COL23A1: variants seen among roughly 807,000 people sequenced by gnomAD.
The protein encoded by COL23A1 is collagen type XXIII alpha 1 chain.
In COL23A1, 97 loss-of-function variants were observed where a neutral mutation model predicts 99.3. That is an observed-to-expected ratio of 0.98 (90% confidence interval 0.83 to 1.16). The LOEUF is 1.16. COL23A1 is among the 50% of genes most tolerant of loss of function. The pLI is 0.00. For synonymous variants in COL23A1, 320 were observed against 308.2 expected (o/e 1.04, Z -0.40); for missense variants, 762 against 757.4 (o/e 1.01, Z -0.07).
At chr5:178,346,609 A>G (rs751178557) in intron 2 of COL23A1, among the ~76,000 whole-genome samples, 1 of 152,186 alleles carries the variant, frequency 6.6e-6, no homozygotes, top group Non-Finnish European at 1.5e-5. Flanking sequence ...GTTTCTATGT[A>G]TGCCCCTTCA....
chr5:178,464,877 G>A (rs1756330090), intron 2 of COL23A1, among the ~76,000 whole-genome samples: 1 of 152,190 alleles, frequency 6.6e-6, no homozygotes, highest in Non-Finnish European at 1.5e-5. Context: ...TAACTCAGTT[G>A]CCCAAGGTCA....
intron 2 of COL23A1, among the ~76,000 whole-genome samples, chr5:178,353,401 T>A (rs1463899564): frequency 6.6e-6 from 1 of 152,186 alleles, no homozygotes; most frequent in Non-Finnish European, 1.5e-5. Flanking sequence ...CCCCCCAAAG[T>A]AGTTAAAAGT....
At chr5:178,385,124 G>T (rs545469994) in intron 2 of COL23A1, among the ~76,000 whole-genome samples, 201 of 152,298 alleles carry the variant, frequency 1.3e-3, no homozygotes, top group Non-Finnish European at 2.3e-3. Flanking sequence ...ATCACCCACA[G>T]CTATAGGAGT....
intron 2 of COL23A1, among the ~76,000 whole-genome samples, chr5:178,557,975 C>T (rs1322282809): frequency 1.3e-5 from 2 of 151,864 alleles, no homozygotes; most frequent in Non-Finnish European, 2.9e-5. Flanking sequence ...CCACACTGAC[C>T]ACACCTACCA....
At chr5:178,354,427 T>C (rs1263143780) in intron 2 of COL23A1, among the ~76,000 whole-genome samples, 1 of 152,074 alleles carries the variant, frequency 6.6e-6, no homozygotes, top group Non-Finnish European at 1.5e-5. Context: ...ATGGTTTGGA[T>C]CTGTGTCCCC....
chr5:178,316,183 C>T (rs1372545404), intron 2 of COL23A1, among the ~76,000 whole-genome samples: 1 of 152,046 alleles, frequency 6.6e-6, no homozygotes, highest in Non-Finnish European at 1.5e-5. Context: ...GTTCGTAATT[C>T]GATGATTCTT....
At chr5:178,292,832 G>A (rs1369495800) in intron 3 of COL23A1, among the ~76,000 whole-genome samples, 1 of 152,190 alleles carries the variant, frequency 6.6e-6, no homozygotes, top group Non-Finnish European at 1.5e-5. Context: ...GGGGTCAGAA[G>A]CTTGGCACAC....
At chr5:178,479,376 G>A (rs937368296) in intron 2 of COL23A1, among the ~76,000 whole-genome samples, 2 of 152,192 alleles carry the variant, frequency 1.3e-5, no homozygotes, top group Admixed American at 1.3e-4. Context: ...CCGAGCTGCT[G>A]CCCTGATGTC....
At chr5:178,396,805 C>T (rs1414740300) in intron 2 of COL23A1, among the ~76,000 whole-genome samples, 3 of 146,072 alleles carry the variant, frequency 2.1e-5, no homozygotes, top group Middle Eastern at 3.2e-3. Flanking sequence ...CAGCTCCAAA[C>T]GTCCAGGCTT....
At chr5:178,552,531 T>A (rs931914819) in intron 2 of COL23A1, among the ~76,000 whole-genome samples, 2 of 151,890 alleles carry the variant, frequency 1.3e-5, no homozygotes, top group Non-Finnish European at 2.9e-5. Context: ...TTTTAAAAAA[T>A]TCTATAAAAA....
At chr5:178,508,777 C>T (rs927528012) in intron 2 of COL23A1, among the ~76,000 whole-genome samples, 6 of 152,122 alleles carry the variant, frequency 3.9e-5, no homozygotes, top group Admixed American at 2.0e-4. Flanking sequence ...AGCCCTCTCC[C>T]GATCCTTTGG....
chr5:178,458,609 C>A (rs145751657), intron 2 of COL23A1, among the ~76,000 whole-genome samples: 98 of 151,236 alleles, frequency 6.5e-4, no homozygotes, highest in African/African-American at 2.3e-3. Flanking sequence ...TGCACTCCAG[C>A]CTGGGCAACA....
At chr5:178,359,282 G>A (rs1303944286) in intron 2 of COL23A1, among the ~76,000 whole-genome samples, 1 of 152,246 alleles carries the variant, frequency 6.6e-6, no homozygotes, top group Non-Finnish European at 1.5e-5. Flanking sequence ...CCAGCACTTT[G>A]GGAGGCCGAG....
rs1350740237 is a variant in COL23A1, at chr5:178,280,183, G to A, written c.441+8141C>T. 2.0e-5 allele frequency among the ~76,000 whole-genome samples: 3 copies of A among 152,236 alleles called. No individual in the cohort carries two copies. Among genetic ancestry groups the A allele is most frequent in the African/African-American group, 7.2e-5 (3 of 41,460 alleles). On this transcript the variant is annotated intron_variant, in intron 5 of 28. Transcript: ENST00000390654. The surrounding 1 kb of genome is among the most constrained non-coding windows in gnomAD (Gnocchi z 4.9). Reference sequence around the variant, plus strand: ...GCCGAAGGCTGCCTCCAGCCCTGGCGGACTCTTGCGCTGGACTCCCGCCCT... The same window carrying A: ...GCCGAAGGCTGCCTCCAGCCCTGGCAGACTCTTGCGCTGGACTCCCGCCCT...
At chr5:178,552,724 A>T (rs200438756) in intron 2 of COL23A1, among the ~76,000 whole-genome samples, 1 of 117,740 alleles carries the variant, frequency 8.5e-6, no homozygotes, top group Non-Finnish European at 1.7e-5. Context: ...AAAAAAAAAA[A>T]ATTTTTTTCA....
chr5:178,399,115 C>G (rs1764302295), intron 2 of COL23A1, among the ~76,000 whole-genome samples: 1 of 152,240 alleles, frequency 6.6e-6, no homozygotes, highest in Non-Finnish European at 1.5e-5. Context: ...CACACGGATG[C>G]TGGCATCGAA....
At chr5:178,475,591 G>T (rs899585541) in intron 2 of COL23A1, among the ~76,000 whole-genome samples, 1 of 152,222 alleles carries the variant, frequency 6.6e-6, no homozygotes, top group African/African-American at 2.4e-5. Context: ...CTTGCCTGTT[G>T]TGTTAGTTTT....
At chr5:178,531,225 C>T (rs766168358) in intron 2 of COL23A1, among the ~76,000 whole-genome samples, 3 of 152,150 alleles carry the variant, frequency 2.0e-5, no homozygotes, top group South Asian at 2.1e-4. Flanking sequence ...CAGTAGGTAA[C>T]GGGAACAAGA....
chr5:178,510,584 G>C (rs949343931), intron 2 of COL23A1, among the ~76,000 whole-genome samples: 1 of 151,964 alleles, frequency 6.6e-6, no homozygotes, highest in Non-Finnish European at 1.5e-5. Context: ...GAGTTAATGG[G>C]TGCAGCACAC....
Sources: gnomAD v4.1 joint callset for allele counts (sites outside exome capture counted in the v4.1 genomes callset) on GRCh38, gnomAD v4.1.1 for gene constraint, Gnocchi (gnomAD v3.1) non-coding constraint, MANE v1.5 for transcripts, NCBI Gene and HGNC (gene_info 2026-07-23, HGNC 2026-07-21) for gene names.